The following E2F7 variants were observed in gnomAD, a reference collection of about 807,000 sequenced individuals.
E2F7 encodes transcription factor E2F7.
A neutral mutation model predicts 81.1 loss-of-function variants in E2F7; 35 were observed. That is an observed-to-expected ratio of 0.43 (90% confidence interval 0.33 to 0.57). E2F7 has a LOEUF of 0.57. Ranked by LOEUF, E2F7 falls within the 20% of genes least tolerant of loss-of-function variation. The pLI, the probability that E2F7 is intolerant of heterozygous loss-of-function variation, is 0.04. For missense variants in E2F7, 961 were observed against 1,093.7 expected (o/e 0.88, Z 1.71); for synonymous variants, 416 against 416.2 (o/e 1.00, Z 0.01).
chr12:77,062,338 T>G (rs1423612669), intron 2 of E2F7, among the ~76,000 whole-genome samples: 2 of 152,180 alleles, frequency 1.3e-5, no homozygotes, highest in Non-Finnish European at 2.9e-5. Flanking sequence ...TTAGGTCACA[T>G]AGCTAATAAA....
In E2F7 at chr12:77,030,079, G is replaced by C. The variant is rs1174633275; in HGVS notation, c.1636C>G (p.Leu546Val). ...LKPALLAGQP[L>V]VYVPSASLFM... ...AGTGAGGCAGAGGGCACATACACTA[G>C]AGGCTGGCCAGCAAGGAGTGCTGGC... is the stretch of plus-strand genomic sequence containing the variant. The change falls in exon 10 of 13, where the codon CTA becomes GTA. Residue 546 changes from leucine to valine, a missense_variant. Leu to Val is a conservative substitution (Grantham distance 32, BLOSUM62 1). This residue lies in a region of E2F7 where 587 missense variants were observed against 620.3 expected (regional missense o/e 0.95). Coordinates refer to ENST00000322886, the MANE Select transcript of E2F7 (RefSeq NM_203394.3). 3.1e-6 allele frequency: 5 copies of C among 1,614,210 alleles called. No homozygotes were observed. Among genetic ancestry groups the C allele is most frequent in the Middle Eastern group, 3.3e-4 (2 of 6,062 alleles).
chr12:77,050,116 G>T (rs1954974703), intron 4 of E2F7, among the ~76,000 whole-genome samples: 2 of 152,090 alleles, frequency 1.3e-5, no homozygotes, highest in Admixed American at 1.3e-4. Flanking sequence ...TGACCCACTT[G>T]CTGTGCCAAT....
intron 4 of E2F7, among the ~76,000 whole-genome samples, chr12:77,048,115 G>C (rs527866406): frequency 6.6e-6 from 1 of 152,292 alleles, no homozygotes; most frequent in East Asian, 1.9e-4. Context: ...GTGTTTAGTA[G>C]GTGCTTTTGG....
intron 9 of E2F7, 133 bp from the exon 10 acceptor site, chr12:77,030,465 A>G: frequency 9.0e-7 from 1 of 1,110,010 alleles, no homozygotes; most frequent in Non-Finnish European, 1.2e-6. Context: ...GCACTTGCTG[A>G]GCACGTGTTA....
intron 6 of E2F7, among the ~76,000 whole-genome samples, chr12:77,043,978 T>G (rs1380805591): frequency 6.6e-6 from 1 of 152,168 alleles, no homozygotes; most frequent in East Asian, 1.9e-4. Context: ...TAGGAAGCAT[T>G]CACCCTGGAT....
At chr12:77,059,845 C>G (rs1955064058) in intron 2 of E2F7, among the ~76,000 whole-genome samples, 1 of 151,932 alleles carries the variant, frequency 6.6e-6, no homozygotes, top group Non-Finnish European at 1.5e-5. Context: ...CGCCTGTAGT[C>G]CCAGCTACTC....
At chr12:77,026,900 C>G (rs1324783221) in intron 11 of E2F7, among the ~76,000 whole-genome samples, 2 of 152,126 alleles carry the variant, frequency 1.3e-5, no homozygotes, top group African/African-American at 2.4e-5. Context: ...GTATTTAATT[C>G]TATGCATCCG....
chr12:77,036,587 C>T (rs572554610), intron 7 of E2F7, among the ~76,000 whole-genome samples: 31 of 151,880 alleles, frequency 2.0e-4, no homozygotes, highest in Admixed American at 5.3e-4. Context: ...AAATCTTCAA[C>T]GCAAAATTCT....
intron 6 of E2F7, 134 bp downstream of exon 6, chr12:77,044,503 C>A: frequency 8.6e-7 from 1 of 1,162,620 alleles, no homozygotes; most frequent in Non-Finnish European, 1.2e-6. Context: ...GCACCAAAAA[C>A]CTTGATGAAT....
chr12:77,065,188 A>ACCCGGCACACCCTCTGCGCACCGGGTTC lies in E2F7; in HGVS notation c.-1+129_-1+156dup, dbSNP rs1192044082. 2.0e-4 allele frequency among the ~76,000 whole-genome samples: 30 copies of ACCCGGCACACCCTCTGCGCACCGGGTTC among 152,292 alleles called. No individual in the cohort carries two copies. In the East Asian group the frequency reaches 4.3e-3, roughly 22 times the overall value. On this transcript the variant is annotated intron_variant, in intron 1 of 12. Transcript: ENST00000322886. Reference sequence around the variant, plus strand: ...ACTGCCGGGCCGGAGTGAGAGCTGCACCCGGCACACCCTCTGCGCACCGGG... The same window carrying ACCCGGCACACCCTCTGCGCACCGGGTTC: ...ACTGCCGGGCCGGAGTGAGAGCTGCACCCGGCACACCCTCTGCGCACCGGGTTCCCCGGCACACCCTCTGCGCACCGGG...
At chr12:77,054,551 G>A (rs988108384) in intron 3 of E2F7, among the ~76,000 whole-genome samples, 3 of 152,066 alleles carry the variant, frequency 2.0e-5, no homozygotes, top group African/African-American at 4.8e-5. Context: ...TAAATCCACC[G>A]AAATTTTAGG....
In E2F7 at chr12:77,025,570, T is replaced by C. The variant is rs1205152075; in HGVS notation, c.2553A>G (p.Val851=). ...PVYVGHPVSV[V]KLHQSPVPVT... The stretch of plus-strand genomic sequence containing the variant: ...CTTCAGGCCTCACCTGATGTAATTT[T>C]ACTACTGAGACTGGATGTCCCACGT... Residue 851 remains valine (V), a synonymous_variant, in exon 12 of 13, where the codon GTA becomes GTG. Transcript: ENST00000322886. The C allele has an allele frequency of 2.5e-6, 4 of 1,614,090 alleles. No homozygotes were observed. Among genetic ancestry groups the C allele is most frequent in the Non-Finnish European group, 3.4e-6 (4 of 1,179,964 alleles).
At position 77,046,052 on chromosome 12, in the gene E2F7, G is replaced by A. The variant is rs1278322508; in HGVS notation, c.815C>T (p.Pro272Leu). 1.9e-6 allele frequency: 3 copies of A among 1,613,924 alleles called. No homozygotes were observed. Among genetic ancestry groups the A allele is most frequent in the East Asian group, 2.2e-5 (1 of 44,894 alleles). ...QEQQLLDFSE[P>L]DCPSSSANSR... ...AATGGACTCACAAGAGGGACAGTCG[G>A]GTTCAGAGAAATCCAGTAACTGTTG... is the stretch of plus-strand genomic sequence containing the variant. The change falls in exon 5 of 13, where the codon CCC becomes CTC. Residue 272 changes from proline to leucine, a missense_variant. Physicochemically the swap from Pro to Leu is moderately conservative, Grantham distance 98. Coordinates refer to ENST00000322886, the MANE Select transcript of E2F7 (RefSeq NM_203394.3).
At chr12:77,033,246 G>A in intron 8 of E2F7, 124 bp from the exon 9 acceptor site, 1 of 882,778 alleles carries the variant, frequency 1.1e-6, no homozygotes, top group Non-Finnish European at 1.7e-6. Context: ...ATCTGTTATG[G>A]TTTTGATTCA....
intron 4 of E2F7, among the ~76,000 whole-genome samples, chr12:77,047,516 T>C (rs1346063096): frequency 6.6e-6 from 1 of 152,206 alleles, no homozygotes. Flanking sequence ...AGCAAAAGCC[T>C]CCAGGCATCT....
In E2F7 at chr12:77,046,170, C is replaced by T; in HGVS notation, c.697G>A (p.Glu233Lys). The change falls in exon 5 of 13, where the codon GAG (glutamate) becomes AAG (lysine). Residue 233 changes from glutamate to lysine, a missense_variant. By Grantham distance (56) the Glu-to-Lys change is moderately conservative. This residue lies in a region of E2F7 where 301 missense variants were observed against 405.0 expected (regional missense o/e 0.74). Transcript: ENST00000322886. ...QRLGEEQKYE[E>K]QMAYLQQKEL... ...TTCTGTTGGAGGTAGGCCATTTGCT[C>T]TTCATATTTCTGCTCCTCTCCTAGT... 1 of 1,614,184 alleles carries T rather than the reference C, an allele frequency of 6.2e-7. No individual in the cohort carries two copies. Among genetic ancestry groups the T allele is most frequent in the South Asian group, 1.1e-5 (1 of 91,082 alleles).
intron 2 of E2F7, among the ~76,000 whole-genome samples, chr12:77,061,010 A>G (rs1360435390): frequency 1.3e-5 from 2 of 152,164 alleles, no homozygotes; most frequent in Non-Finnish European, 2.9e-5. Context: ...CTTGTGAGAT[A>G]CCACTGTTTC....
Position 77,025,878 on chromosome 12 carries a change from G to A in E2F7, c.2245C>T (p.Pro749Ser). The A allele has an allele frequency of 6.2e-7, 1 of 1,614,098 alleles. No individual in the cohort carries two copies. The highest frequency in any genetic ancestry group is 8.5e-7 in the Non-Finnish European group (1 of 1,180,006). Reference sequence around the variant, plus strand: ...GGAAAAGGGCCCAGAGGTGGAGATGGTAAGACCATGCAAGGGACACTGAAA... The same window carrying A: ...GGAAAAGGGCCCAGAGGTGGAGATGATAAGACCATGCAAGGGACACTGAAA... ...PSFSVPCMVL[P>S]SPPLGPFPVL... Residue 749 changes from proline (P) to serine (S), a missense_variant, in exon 12 of 13, where the codon CCA (proline) becomes TCA (serine). Pro to Ser is a moderately conservative substitution (Grantham distance 74). This residue lies in a region of E2F7 where 587 missense variants were observed against 620.3 expected (regional missense o/e 0.95). Transcript: ENST00000322886.
At chr12:77,035,073 G>C (rs566362871) in intron 7 of E2F7, among the ~76,000 whole-genome samples, 1 of 152,292 alleles carries the variant, frequency 6.6e-6, no homozygotes, top group Admixed American at 6.5e-5. Context: ...GGACATGAAG[G>C]ACAGTGATCT....
Sources: allele counts gnomAD v4.1 joint callset (sites outside exome capture counted in the v4.1 genomes callset), GRCh38; gene constraint gnomAD v4.1.1; regional missense constraint gnomAD v4.1.1; transcripts MANE v1.5; gene names NCBI Gene and HGNC (gene_info 2026-07-23, HGNC 2026-07-21).